Variants in ATP13A4 observed in about 807,000 individuals in gnomAD.
ATP13A4 encodes the protein ATPase 13A4.
In ATP13A4, 114 loss-of-function variants were observed where a neutral mutation model predicts 142.5. That is an observed-to-expected ratio of 0.80 (90% CI 0.69 to 0.93). The LOEUF (loss-of-function observed/expected upper bound fraction) is 0.93. Ranked by LOEUF, ATP13A4 falls within the 40% of genes least tolerant of loss-of-function variation. ATP13A4 has a pLI of 0.00. For missense variants in ATP13A4, 1,392 were observed against 1,454.0 expected, an observed-to-expected ratio of 0.96 and a Z score of 0.69; for synonymous variants, 488 against 514.8, an observed-to-expected ratio of 0.95 and a Z score of 0.70.
At chr3:193,445,286 A>AT (rs962126144) in intron 18 of ATP13A4, among the ~76,000 whole-genome samples, 1 of 151,948 alleles carries the variant, frequency 6.6e-6, no homozygotes, top group African/African-American at 2.4e-5. Flanking sequence ...AAATATAAAA[A>AT]TTAGCCAGGC....
intron 18 of ATP13A4, among the ~76,000 whole-genome samples, chr3:193,445,681 C>T (rs777218586): frequency 1.1e-4 from 17 of 151,952 alleles, no homozygotes; most frequent in Admixed American, 2.0e-4. Context: ...CGCTTGAACC[C>T]GGGAGTCGGA....
At chr3:193,465,903 T>A in intron 11 of ATP13A4, 122 bp downstream of exon 11, 1 of 1,161,736 alleles carries the variant, frequency 8.6e-7, no homozygotes, top group Non-Finnish European at 1.3e-6. Flanking sequence ...TACGTAGGCA[T>A]CAGTGCTTGG....
Position 193,414,509 on chromosome 3 carries a change from A to T in ATP13A4, c.3014+70T>A, listed in dbSNP as rs562773217. The T allele has an allele frequency of 5.2e-5, 82 of 1,574,608 alleles. 1 individual carries two copies. The East Asian group carries it at 1.7e-3, about 33-fold the overall frequency. On this transcript the variant is annotated intron_variant, in intron 26 of 29. Transcript: ENST00000342695. ...CAGAATGAAGACCCATGTGCCTCCCATCATATTGGCCAGAGGATGTTTGAT... is the reference window on the plus strand; with the variant it reads ...CAGAATGAAGACCCATGTGCCTCCCTTCATATTGGCCAGAGGATGTTTGAT...
chr3:193,404,055 A>G (rs967779862), intron 29 of ATP13A4: 1 of 985,332 alleles, frequency 1.0e-6, no homozygotes, highest in Non-Finnish European at 1.2e-6. Context: ...TTAAAGATCC[A>G]TATAACCGTC....
chr3:193,412,692 G>C (rs1455621255), intron 26 of ATP13A4, among the ~76,000 whole-genome samples: 2 of 152,052 alleles, frequency 1.3e-5, no homozygotes, highest in East Asian at 3.9e-4. Context: ...AGGCTATATG[G>C]GAAAGAGATT....
rs573567550 is a variant in ATP13A4, at chr3:193,491,296, T to C, written c.603+33A>G. 5 of 1,517,590 alleles carry C rather than the reference T, an allele frequency of 3.3e-6. No individual in the cohort carries two copies. In the African/African-American group the frequency reaches 5.5e-5, roughly 17 times the overall value. The allele number at this position is 1,517,590 out of a possible 1,614,324, so 94.0% of individuals were successfully genotyped here. On this transcript the variant is annotated intron_variant, in intron 6 of 29. Coordinates refer to ENST00000342695, the MANE Select transcript of ATP13A4 (RefSeq NM_032279.4). The stretch of plus-strand genomic sequence containing the variant: ...TAGAGCCAAACTTCCTTATTTTCTG[T>C]CCAACACCAAGAGAAAATGCTGGAG...
chr3:193,543,387 C>G (rs1356732479), intron 1 of ATP13A4, among the ~76,000 whole-genome samples: 1 of 152,108 alleles, frequency 6.6e-6, no homozygotes, highest in African/African-American at 2.4e-5. Context: ...GTCTATCTGA[C>G]AGAGGTCTAA....
chr3:193,573,308 C>CGTATATATATATATATTCTTATATAT (rs1229145689), intron 2 of ATP13A4, among the ~76,000 whole-genome samples: 15,971 of 102,938 alleles, frequency 0.16, 2,031 homozygotes, highest in South Asian at 0.22. Flanking sequence ...TATATATATA[C>CGTATATATATATATATTCTTATATAT]ATATATATAT....
intron 2 of ATP13A4, 23 bp from the exon 3 acceptor site, chr3:193,502,662 C>T: frequency 1.2e-6 from 2 of 1,611,644 alleles, no homozygotes; most frequent in African/African-American, 1.3e-5. Context: ...ACATCAAAAC[C>T]CCCAAGAAGT....
chr3:193,426,602 T>C (rs762085759), intron 25 of ATP13A4, among the ~76,000 whole-genome samples: 17 of 151,738 alleles, frequency 1.1e-4, no homozygotes, highest in Non-Finnish European at 2.1e-4. Context: ...ACTTCCCAAA[T>C]CCAAACTCAG....
intron 20 of ATP13A4, 61 bp downstream of exon 20, chr3:193,441,405 T>C (rs1416410026): frequency 1.9e-6 from 3 of 1,593,998 alleles, no homozygotes; most frequent in Non-Finnish European, 2.6e-6. Flanking sequence ...TTTAGGACCA[T>C]GTTCTGTAAG....
chr3:193,434,054 T>C (rs1224173004), intron 24 of ATP13A4, 137 bp from the exon 25 acceptor site: 2 of 761,504 alleles, frequency 2.6e-6, no homozygotes, highest in Non-Finnish European at 2.3e-6. Context: ...CGGGGCCTGG[T>C]TGAGTTGGTG....
intron 9 of ATP13A4, among the ~76,000 whole-genome samples, 172 bp from the exon 10 acceptor site, chr3:193,467,658 TC>T (rs1266456265): frequency 6.6e-6 from 1 of 152,088 alleles, no homozygotes; most frequent in Non-Finnish European, 1.5e-5. Context: ...TTCTAAGAGG[TC>T]TGTAGTTTAG....
intron 1 of ATP13A4, among the ~76,000 whole-genome samples, chr3:193,523,534 A>G (rs765543029): frequency 6.6e-6 from 1 of 152,178 alleles, no homozygotes; most frequent in Non-Finnish European, 1.5e-5. Flanking sequence ...GAAGCTCCAT[A>G]AAAACCCCTA....
At chr3:193,489,895 G>T in intron 6 of ATP13A4, 31 bp from the exon 7 acceptor site, 1 of 1,607,666 alleles carries the variant, frequency 6.2e-7, no homozygotes, top group East Asian at 2.2e-5. Context: ...AGGAAGACAA[G>T]GGAGAGTTTT....
chr3:193,418,472 C>T (rs370706058), intron 25 of ATP13A4, among the ~76,000 whole-genome samples: 8 of 149,540 alleles, frequency 5.3e-5, no homozygotes, highest in African/African-American at 2.0e-4. Flanking sequence ...AAAGGAGTAG[C>T]AGAAACCCTG....
At chr3:193,567,601 A>G (rs925971572) in intron 2 of ATP13A4, among the ~76,000 whole-genome samples, 1 of 152,210 alleles carries the variant, frequency 6.6e-6, no homozygotes, top group Non-Finnish European at 1.5e-5. Context: ...AAAATATGCA[A>G]ATAAAGCAAC....
intron 23 of ATP13A4, among the ~76,000 whole-genome samples, chr3:193,437,503 T>A (rs1716355638): frequency 6.6e-6 from 1 of 152,192 alleles, no homozygotes; most frequent in African/African-American, 2.4e-5. Context: ...ATAAAATACA[T>A]TTGAATAAAA....
At chr3:193,577,607 AT>A (rs374113554) in intron 2 of ATP13A4, among the ~76,000 whole-genome samples, 4 of 152,234 alleles carry the variant, frequency 2.6e-5, no homozygotes, top group African/African-American at 9.6e-5. Context: ...TTTGTACTAC[AT>A]TTTGCTGAAA....
Sources: gnomAD v4.1 joint callset for allele counts (sites outside exome capture counted in the v4.1 genomes callset) on GRCh38, gnomAD v4.1.1 for gene constraint, MANE v1.5 for transcripts, NCBI Gene and HGNC (gene_info 2026-07-23, HGNC 2026-07-21) for gene names.